Variants in KDM2A observed in about 807,000 individuals in gnomAD.
The protein encoded by KDM2A is lysine-specific demethylase 2A.
KDM2A carries 3 observed loss-of-function variants against 137.3 expected under a neutral mutation model. That is an observed-to-expected ratio of 0.02 (90% CI 0.01 to 0.06). The LOEUF is 0.06. Among genes scored for constraint, KDM2A ranks in the 10% least tolerant of loss-of-function variants. The pLI, the probability that KDM2A is intolerant of heterozygous loss-of-function variation, is 1.00. For missense variants in KDM2A, 738 were observed against 1,510.6 expected (o/e 0.49, Z 8.48); for synonymous variants, 512 against 541.5 (o/e 0.95, Z 0.76).
At chr11:67,192,634 G>C (rs1857385667) in intron 5 of KDM2A, among the ~76,000 whole-genome samples, 1 of 151,380 alleles carries the variant, frequency 6.6e-6, no homozygotes, top group Non-Finnish European at 1.5e-5. Context: ...TAGTACAGAT[G>C]GGGTTTCACC....
intron 2 of KDM2A, among the ~76,000 whole-genome samples, chr11:67,163,375 G>A (rs1487961459): frequency 6.6e-6 from 1 of 152,170 alleles, no homozygotes; most frequent in Non-Finnish European, 1.5e-5. Flanking sequence ...GAGATTTAGA[G>A]ATGGAATCAT....
At chr11:67,129,468 C>T (rs956809068) in intron 2 of KDM2A, among the ~76,000 whole-genome samples, 1 of 151,920 alleles carries the variant, frequency 6.6e-6, no homozygotes, top group African/African-American at 2.4e-5. Context: ...GGCGCGGTGG[C>T]TCACACCTGT....
chr11:67,242,000 C>T (rs1379837448), intron 12 of KDM2A, among the ~76,000 whole-genome samples: 2 of 151,976 alleles, frequency 1.3e-5, no homozygotes, highest in African/African-American at 2.4e-5. Context: ...ACACGGGAGG[C>T]GAGGCGGAGG....
rs1429073872 is a variant in KDM2A at position 67,231,828 on chromosome 11, G to A, written c.1347G>A (p.Arg449=). 1.2e-6 allele frequency: 2 copies of A among 1,614,000 alleles called. No homozygotes were observed. Among genetic ancestry groups the A allele is most frequent in the South Asian group, 1.1e-5 (1 of 91,084 alleles). ...WDPQCAPRKD[R]QVHLTHFELE... ...CCCAGTGTGCTCCCCGAAAGGACAG[G>A]CAAGTGCATCTGACCCATTTTGAGC... is the stretch of plus-strand genomic sequence containing the variant. Residue 449 remains arginine, a synonymous_variant, in exon 12 of 21, where the codon AGG becomes AGA. Transcript: ENST00000529006.
intron 12 of KDM2A, among the ~76,000 whole-genome samples, chr11:67,233,608 C>T (rs189421984): frequency 2.5e-5 from 3 of 121,904 alleles, no homozygotes; most frequent in African/African-American, 9.2e-5. Flanking sequence ...GCCGAGATTG[C>T]GCCATTGCAC....
At chr11:67,129,360 C>T (rs187460622) in intron 2 of KDM2A, among the ~76,000 whole-genome samples, 63 of 152,170 alleles carry the variant, frequency 4.1e-4, no homozygotes, top group African/African-American at 1.4e-3. Flanking sequence ...AGACCAAGGC[C>T]AGTGGAATGC....
chr11:67,196,488 G>A, intron 5 of KDM2A: 1 of 456,026 alleles, frequency 2.2e-6, no homozygotes, highest in Non-Finnish European at 4.4e-6. Context: ...ATGTCCATCA[G>A]CAGTGAATAC....
intron 2 of KDM2A, among the ~76,000 whole-genome samples, chr11:67,174,190 A>G (rs1252374372): frequency 2.0e-5 from 3 of 152,198 alleles, no homozygotes; most frequent in Non-Finnish European, 4.4e-5. Flanking sequence ...CCTGGGAGAC[A>G]GAGGTTGCAG....
chr11:67,241,777 G>C (rs1053258347), intron 12 of KDM2A, among the ~76,000 whole-genome samples: 3 of 152,144 alleles, frequency 2.0e-5, no homozygotes, highest in Non-Finnish European at 4.4e-5. Context: ...TGTCTAAAAC[G>C]AAAAGATTTG....
chr11:67,148,785 G>T (rs1475509554), intron 2 of KDM2A, among the ~76,000 whole-genome samples: 1 of 152,020 alleles, frequency 6.6e-6, no homozygotes, highest in African/African-American at 2.4e-5. Flanking sequence ...TGGGCTATAA[G>T]AGCAAAATTC....
At chr11:67,156,372 C>T (rs937686205) in intron 2 of KDM2A, among the ~76,000 whole-genome samples, 14 of 152,142 alleles carry the variant, frequency 9.2e-5, no homozygotes, top group Admixed American at 2.0e-4. Context: ...ATCATGAGGT[C>T]AGGAGATCAA....
intron 2 of KDM2A, among the ~76,000 whole-genome samples, chr11:67,141,685 ATATATAT>A (rs1565374846): frequency 4.1e-4 from 37 of 90,392 alleles, no homozygotes; most frequent in African/African-American, 1.4e-3. Flanking sequence ...AAAAAAAAAT[ATATATAT>A]ATATATATAT....
chr11:67,188,501 GAAAA>G (rs991196282), intron 5 of KDM2A, among the ~76,000 whole-genome samples: 3 of 140,472 alleles, frequency 2.1e-5, no homozygotes, highest in African/African-American at 7.9e-5. Context: ...AAAAAAGAAA[GAAAA>G]AATGGTTGGG....
chr11:67,137,040 C>T (rs770434838), intron 2 of KDM2A, among the ~76,000 whole-genome samples: 2 of 152,122 alleles, frequency 1.3e-5, no homozygotes, highest in African/African-American at 2.4e-5. Flanking sequence ...AAGTTGAGAC[C>T]TAAAGGGTGA....
At chr11:67,246,208 C>T in intron 15 of KDM2A, 92 bp downstream of exon 15, 1 of 1,389,892 alleles carries the variant, frequency 7.2e-7, no homozygotes. Flanking sequence ...TGCCAGCATC[C>T]CTACTGTAGG....
chr11:67,175,175 T>C (rs1856951305), intron 2 of KDM2A, among the ~76,000 whole-genome samples: 1 of 152,190 alleles, frequency 6.6e-6, no homozygotes, highest in African/African-American at 2.4e-5. Flanking sequence ...ATTGAATGTT[T>C]TTAAAGCATT....
chr11:67,215,127 G>A (rs995298458), intron 6 of KDM2A, among the ~76,000 whole-genome samples: 1 of 152,044 alleles, frequency 6.6e-6, no homozygotes, highest in Non-Finnish European at 1.5e-5. Context: ...ATCATTTGAT[G>A]GAATGATTAA....
chr11:67,181,492 A>G (rs1403380715), intron 4 of KDM2A, 94 bp downstream of exon 4: 3 of 738,708 alleles, frequency 4.1e-6, no homozygotes, highest in Non-Finnish European at 6.7e-6. Context: ...CCAAAACAAT[A>G]GTAATTGAAA....
intron 16 of KDM2A, among the ~76,000 whole-genome samples, chr11:67,249,569 T>C (rs141329683): frequency 0.018 from 2,788 of 152,278 alleles, 345 homozygotes; most frequent in Admixed American, 0.17. Context: ...GGGGCTCTTG[T>C]GGGATTCCTC....
Sources: allele counts gnomAD v4.1 joint callset (sites outside exome capture counted in the v4.1 genomes callset), GRCh38; gene constraint gnomAD v4.1.1; transcripts MANE v1.5; gene names NCBI Gene and HGNC (gene_info 2026-07-23, HGNC 2026-07-21).